EXOC6B: variants seen among roughly 807,000 people sequenced by gnomAD.
The protein encoded by EXOC6B is SEC15 homolog B.
A neutral mutation model predicts 113.5 loss-of-function variants in EXOC6B; 54 were observed. The ratio of observed to expected loss-of-function variants is 0.48; its 90% CI spans 0.38 to 0.60. The LOEUF (loss-of-function observed/expected upper bound fraction) is 0.60, where lower values mean the gene tolerates loss of function less well. Ranked by LOEUF, EXOC6B falls within the 20% of genes least tolerant of loss-of-function variation. EXOC6B has a pLI of 0.00. For missense variants in EXOC6B, 797 were observed against 977.5 expected, an observed-to-expected ratio of 0.82 and a Z score of 2.46; for synonymous variants, 357 against 339.0, an observed-to-expected ratio of 1.05 and a Z score of -0.58.
chr2:72,550,647 T>G (rs1434006814), intron 8 of EXOC6B, among the ~76,000 whole-genome samples: 1 of 152,204 alleles, frequency 6.6e-6, no homozygotes, highest in Non-Finnish European at 1.5e-5. Flanking sequence ...AAATGGGCAG[T>G]TTAAGGTCTT....
intron 20 of EXOC6B, among the ~76,000 whole-genome samples, chr2:72,215,385 A>G (rs1680456702): frequency 6.6e-6 from 1 of 152,166 alleles, no homozygotes; most frequent in African/African-American, 2.4e-5. Context: ...CTTCTCCTTC[A>G]CATTATCTCA....
At position 72,605,032 on chromosome 2, in the gene EXOC6B, G is replaced by A. The variant is rs531205974; in HGVS notation, c.670-29364C>T. On this transcript the variant is annotated intron_variant, in intron 6 of 21. Coordinates refer to ENST00000272427, the MANE Select transcript of EXOC6B (RefSeq NM_015189.3). ...AACTTGGCCAGGCACAGTGGCTCAC[G>A]CCTGTAATCCCAGCACTTTGGGAGG... Among the ~76,000 whole-genome samples the A allele has an allele frequency of 5.9e-5, 9 of 152,154 alleles. No homozygotes were observed. The South Asian group carries it at 6.2e-4, about 11-fold the overall frequency.
intron 18 of EXOC6B, among the ~76,000 whole-genome samples, chr2:72,436,416 C>CT (rs1427480139): frequency 1.3e-5 from 2 of 152,110 alleles, no homozygotes; most frequent in African/African-American, 4.8e-5. Context: ...GTGGTGTTCT[C>CT]TGTATTTCCT....
chr2:72,182,646 C>T (rs1341946464), intron 21 of EXOC6B, among the ~76,000 whole-genome samples: 1 of 151,884 alleles, frequency 6.6e-6, no homozygotes, highest in Admixed American at 6.6e-5. Context: ...CTTTACCTGG[C>T]ACAATGGGAG....
intron 6 of EXOC6B, among the ~76,000 whole-genome samples, chr2:72,672,085 T>C (rs894328585): frequency 2.8e-4 from 42 of 151,850 alleles, no homozygotes; most frequent in Admixed American, 2.6e-3. Flanking sequence ...CCCTCATACA[T>C]TGTTGGTGGC....
At chr2:72,457,844 T>C (rs546888422) in intron 18 of EXOC6B, among the ~76,000 whole-genome samples, 1 of 152,196 alleles carries the variant, frequency 6.6e-6, no homozygotes, top group South Asian at 2.1e-4. Flanking sequence ...TCACAAAAAC[T>C]TCAAGGGAAA....
chr2:72,819,059 C>T (rs1686439443), intron 1 of EXOC6B, among the ~76,000 whole-genome samples: 1 of 152,138 alleles, frequency 6.6e-6, no homozygotes, highest in Admixed American at 6.6e-5. Context: ...GCCTGCTGTA[C>T]CCCAGAGCCT....
chr2:72,423,098 G>A (rs904885835), intron 18 of EXOC6B, among the ~76,000 whole-genome samples: 7 of 152,086 alleles, frequency 4.6e-5, no homozygotes, highest in Admixed American at 6.5e-5. Context: ...CACTCACCGC[G>A]AAGATCTGCA....
chr2:72,786,414 C>T (rs1390978557), intron 1 of EXOC6B, among the ~76,000 whole-genome samples: 1 of 152,116 alleles, frequency 6.6e-6, no homozygotes, highest in Non-Finnish European at 1.5e-5. Flanking sequence ...AAATACTATC[C>T]CTCCTTTCAA....
chr2:72,658,293 A>G (rs1674756194), intron 6 of EXOC6B, among the ~76,000 whole-genome samples: 1 of 144,960 alleles, frequency 6.9e-6, no homozygotes, highest in Admixed American at 6.8e-5. Flanking sequence ...TAGTAAAAAA[A>G]AAAAAAAAAA....
intron 6 of EXOC6B, among the ~76,000 whole-genome samples, chr2:72,632,697 A>G (rs965648459): frequency 6.6e-6 from 1 of 151,588 alleles, no homozygotes; most frequent in African/African-American, 2.4e-5. Context: ...ATTTTTTTTT[A>G]TTTTTTTATT....
At chr2:72,369,130 C>G (rs1416996869) in intron 19 of EXOC6B, among the ~76,000 whole-genome samples, 1 of 152,124 alleles carries the variant, frequency 6.6e-6, no homozygotes, top group Non-Finnish European at 1.5e-5. Flanking sequence ...TGTCTCAGCC[C>G]AAAATCTCCT....
intron 6 of EXOC6B, among the ~76,000 whole-genome samples, chr2:72,585,164 A>G (rs1350903169): frequency 6.1e-5 from 9 of 147,422 alleles, no homozygotes; most frequent in African/African-American, 2.4e-4. Flanking sequence ...AGAAGAATTG[A>G]ACAATACTGA....
At chr2:72,641,099 CA>C (rs1211899828) in intron 6 of EXOC6B, among the ~76,000 whole-genome samples, 1 of 152,182 alleles carries the variant, frequency 6.6e-6, no homozygotes, top group Non-Finnish European at 1.5e-5. Context: ...AAGTCTGTTC[CA>C]AGATGGCCGA....
intron 18 of EXOC6B, among the ~76,000 whole-genome samples, chr2:72,417,236 C>A (rs757578925): frequency 2.5e-4 from 38 of 152,266 alleles, no homozygotes; most frequent in South Asian, 2.1e-4. Context: ...TCTGGTCGAC[C>A]AGGCTGGAGT....
At chr2:72,370,219 C>T (rs1404351863) in intron 19 of EXOC6B, among the ~76,000 whole-genome samples, 1 of 152,186 alleles carries the variant, frequency 6.6e-6, no homozygotes, top group Non-Finnish European at 1.5e-5. Context: ...ACAGACACTT[C>T]TCAAAAGAAG....
At chr2:72,506,923 TG>T (rs1700624381) in intron 11 of EXOC6B, among the ~76,000 whole-genome samples, 1 of 152,114 alleles carries the variant, frequency 6.6e-6, no homozygotes. Flanking sequence ...CTTTTAATAT[TG>T]AACCATTCCT....
chr2:72,469,054 C>T (rs1573194424), intron 17 of EXOC6B, among the ~76,000 whole-genome samples: 1 of 152,050 alleles, frequency 6.6e-6, no homozygotes, highest in East Asian at 1.9e-4. Context: ...TGGTGTGGTA[C>T]AATTTTTACA....
intron 20 of EXOC6B, among the ~76,000 whole-genome samples, chr2:72,266,699 G>A (rs1297642760): frequency 6.6e-6 from 1 of 152,124 alleles, no homozygotes; most frequent in Non-Finnish European, 1.5e-5. Context: ...GATGCCTCCA[G>A]CTTTGTTCTT....
Sources: gnomAD v4.1 joint callset for allele counts (sites outside exome capture counted in the v4.1 genomes callset) on GRCh38, gnomAD v4.1.1 for gene constraint, MANE v1.5 for transcripts, NCBI Gene and HGNC (gene_info 2026-07-23, HGNC 2026-07-21) for gene names.